MAGI1: variants seen among roughly 807,000 people sequenced by gnomAD.
MAGI1 encodes membrane associated guanylate kinase, WW and PDZ domain containing 1.
In MAGI1, 58 loss-of-function variants were observed where a neutral mutation model predicts 139.9. That is an observed-to-expected ratio of 0.41 (90% CI 0.34 to 0.52). The LOEUF (loss-of-function observed/expected upper bound fraction) is 0.52. Ranked by LOEUF, MAGI1 falls within the 20% of genes least tolerant of loss-of-function variation. The probability of loss-of-function intolerance (pLI) is 0.12; values close to 1 mark genes in which losing one functional copy is unlikely to be tolerated. For missense variants in MAGI1, 1,874 were observed against 1,901.6 expected (o/e 0.99, Z 0.27); for synonymous variants, 812 against 737.9 (o/e 1.10, Z -1.63).
intron 1 of MAGI1, among the ~76,000 whole-genome samples, chr3:65,846,356 A>G (rs2058994114): frequency 6.6e-6 from 1 of 152,236 alleles, no homozygotes; most frequent in Non-Finnish European, 1.5e-5. Context: ...CTTCACCCCA[A>G]ACTCTGCAAA....
chr3:65,967,049 C>A (rs1447078406), intron 1 of MAGI1, among the ~76,000 whole-genome samples: 1 of 152,150 alleles, frequency 6.6e-6, no homozygotes, highest in Non-Finnish European at 1.5e-5. Flanking sequence ...GGCTCAGCAA[C>A]TTGCCCAGAG....
chr3:65,541,600 G>T (rs2079228414), intron 2 of MAGI1, among the ~76,000 whole-genome samples: 2 of 152,214 alleles, frequency 1.3e-5, no homozygotes, highest in African/African-American at 2.4e-5. Flanking sequence ...TCCCTGGGAT[G>T]CAAGTCTGGT....
chr3:65,866,522 C>G (rs1015949607), intron 1 of MAGI1, among the ~76,000 whole-genome samples: 3 of 152,052 alleles, frequency 2.0e-5, no homozygotes, highest in African/African-American at 2.4e-5. Flanking sequence ...CCCTCCCACC[C>G]AACCGCTACC....
intron 2 of MAGI1, among the ~76,000 whole-genome samples, chr3:65,548,707 G>A (rs115030213): frequency 1.8e-4 from 28 of 151,948 alleles, no homozygotes; most frequent in Non-Finnish European, 3.1e-4. Context: ...ATTTTGAATA[G>A]AGAGGGGGTT....
intron 2 of MAGI1, among the ~76,000 whole-genome samples, chr3:65,568,402 G>A (rs1396236012): frequency 6.6e-6 from 1 of 151,976 alleles, no homozygotes; most frequent in African/African-American, 2.4e-5. Flanking sequence ...GGTTGATCAG[G>A]TAAAACCTTA....
At chr3:65,854,989 C>A (rs751976759) in intron 1 of MAGI1, among the ~76,000 whole-genome samples, 1 of 152,234 alleles carries the variant, frequency 6.6e-6, no homozygotes, top group Non-Finnish European at 1.5e-5. Flanking sequence ...CGTACAACAT[C>A]TGCTGGGTAT....
intron 1 of MAGI1, among the ~76,000 whole-genome samples, chr3:65,706,399 G>C (rs2107631300): frequency 6.6e-6 from 1 of 152,314 alleles, no homozygotes; most frequent in South Asian, 2.1e-4. Context: ...CCATACCATA[G>C]CCTCTGCCTT....
intron 1 of MAGI1, among the ~76,000 whole-genome samples, chr3:65,640,300 C>T (rs762192788): frequency 1.1e-4 from 17 of 152,268 alleles, no homozygotes; most frequent in Middle Eastern, 3.4e-3. Flanking sequence ...TCCAACATAG[C>T]ATGAAGCATT....
intron 2 of MAGI1, among the ~76,000 whole-genome samples, chr3:65,548,999 C>A (rs1224304151): frequency 6.6e-6 from 1 of 152,158 alleles, no homozygotes; most frequent in African/African-American, 2.4e-5. Context: ...TCAAGGGACC[C>A]TGGCCCTAGG....
chr3:65,477,443 G>A (rs143674070), intron 4 of MAGI1, among the ~76,000 whole-genome samples: 2 of 152,208 alleles, frequency 1.3e-5, no homozygotes, highest in East Asian at 1.9e-4. Context: ...TATGGGAGAG[G>A]ATAATCTCAT....
At chr3:65,538,835 T>C (rs1242953502) in intron 2 of MAGI1, among the ~76,000 whole-genome samples, 2 of 152,118 alleles carry the variant, frequency 1.3e-5, no homozygotes, top group Non-Finnish European at 2.9e-5. Context: ...CAAGCAGTCA[T>C]ACAAACCAAC....
At chr3:65,692,367 G>C (rs890218921) in intron 1 of MAGI1, among the ~76,000 whole-genome samples, 1 of 152,168 alleles carries the variant, frequency 6.6e-6, no homozygotes, top group African/African-American at 2.4e-5. Flanking sequence ...AACTATACTA[G>C]GTGATGGGGA....
At position 65,453,270 on chromosome 3, in the gene MAGI1, A is replaced by G. The variant is rs1247477423; in HGVS notation, c.1030T>C (p.Cys344Arg). 6.2e-7 allele frequency: 1 copy of G among 1,611,558 alleles called. No homozygotes were observed. Among genetic ancestry groups the G allele is most frequent in the Admixed American group, 1.7e-5 (1 of 59,562 alleles). ...CCTGGCCCCTTACCATCATCTTCAC[A>G]CTCTTCCAGTGGCTTCTGCTGCTTG... ...LNKQQKPLEECEDDEGVHTEE... is the reference protein window; with the variant it reads ...LNKQQKPLEEREDDEGVHTEE... The change falls in exon 6 of 23, where the codon TGT (cysteine) becomes CGT (arginine). Residue 344 changes from cysteine to arginine, a missense_variant. By Grantham distance (180) the Cys-to-Arg change is radical (BLOSUM62 -3). This residue lies in a region of MAGI1 where 648 missense variants were observed against 598.1 expected (regional missense o/e 1.08). Transcript: ENST00000402939.
In MAGI1 at chr3:65,775,352, G is replaced by A. The variant is rs549945558; in HGVS notation, c.314-153264C>T. Among the ~76,000 whole-genome samples, 49 of 151,498 alleles carry A rather than the reference G, an allele frequency of 3.2e-4. 1 individual carries two copies. The East Asian group carries it at 9.2e-3, about 28-fold the overall frequency. On this transcript the variant is annotated intron_variant, in intron 1 of 22. Coordinates refer to ENST00000402939, the MANE Select transcript of MAGI1 (RefSeq NM_001033057.2). Reference sequence around the variant, plus strand: ...TAGTATCAGCTACTTGGGAGACTGAGGCAGGAGTATCATTTGAGCCTAGGA... The same window carrying A: ...TAGTATCAGCTACTTGGGAGACTGAAGCAGGAGTATCATTTGAGCCTAGGA...
chr3:65,756,080 G>C (rs1458672480), intron 1 of MAGI1, among the ~76,000 whole-genome samples: 5 of 152,182 alleles, frequency 3.3e-5, no homozygotes, highest in Non-Finnish European at 7.3e-5. Flanking sequence ...CAATGTTCGT[G>C]AAGTTAAAAA....
intron 1 of MAGI1, among the ~76,000 whole-genome samples, chr3:65,968,719 C>T (rs1284966489): frequency 6.6e-6 from 1 of 151,950 alleles, no homozygotes; most frequent in African/African-American, 2.4e-5. Flanking sequence ...AGAGACTTTT[C>T]ACTCTATACC....
Position 65,356,524 on chromosome 3 carries a change from G to A in MAGI1, c.4243C>T (p.Leu1415=). The A allele has an allele frequency of 6.2e-7, 1 of 1,610,726 alleles. No homozygotes were observed. The highest frequency in any genetic ancestry group is 8.5e-7 in the Non-Finnish European group (1 of 1,179,924). ...RSPERRRERS[L]DKRNREDRAS... ...CTGTCCTCTCTGTTCCTTTTGTCCA[G>A]GGACCGCTCTCTCCTGCGCTCGGGG... is the stretch of plus-strand genomic sequence containing the variant. The change falls in exon 23 of 23, where the codon CTG becomes TTG. Residue 1415 remains leucine (L), a synonymous_variant. Coordinates refer to ENST00000402939, the MANE Select transcript of MAGI1 (RefSeq NM_001033057.2).
At chr3:65,691,308 A>AAAAAAAAAG (rs1383101472) in intron 1 of MAGI1, among the ~76,000 whole-genome samples, 1 of 134,900 alleles carries the variant, frequency 7.4e-6, no homozygotes, top group Non-Finnish European at 1.7e-5. Flanking sequence ...GTCTCAAAAA[A>AAAAAAAAAG]AAAAAAAGAA....
At chr3:65,609,095 C>T (rs1056711381) in intron 2 of MAGI1, among the ~76,000 whole-genome samples, 1 of 152,062 alleles carries the variant, frequency 6.6e-6, no homozygotes, top group African/African-American at 2.4e-5. Context: ...GGAAGGGAAG[C>T]GTTCAATAAG....
Sources: gnomAD v4.1 joint callset for allele counts (sites outside exome capture counted in the v4.1 genomes callset) on GRCh38, gnomAD v4.1.1 for gene constraint, gnomAD v4.1.1 regional missense constraint, MANE v1.5 for transcripts, NCBI Gene and HGNC (gene_info 2026-07-23, HGNC 2026-07-21) for gene names.